PCDHGA6: variants seen among roughly 807,000 people sequenced by gnomAD.
The protein encoded by PCDHGA6 is protocadherin gamma-A6.
In PCDHGA6, 41 loss-of-function variants were observed where a neutral mutation model predicts 60.6. The observed-to-expected ratio is 0.68, with a 90% CI of 0.53 to 0.88. The LOEUF (loss-of-function observed/expected upper bound fraction) is 0.88. PCDHGA6 is among the 40% of genes least tolerant of loss of function. The pLI is 0.00. For missense variants in PCDHGA6, 1,312 were observed against 1,203.0 expected (o/e 1.09, Z -1.34); for synonymous variants, 594 against 524.4 (o/e 1.13, Z -1.81).
In PCDHGA6 at chr5:141,431,023, C is replaced by T. The variant is rs374655655; in HGVS notation, c.2424+54516C>T. 1 of 1,613,748 alleles carries T rather than the reference C, an allele frequency of 6.2e-7. No homozygotes were observed. On this transcript the variant is annotated intron_variant, in intron 1 of 3. Coordinates refer to ENST00000517434, the MANE Select transcript of PCDHGA6 (RefSeq NM_018919.3). This position sits in a 1 kb window ranked among gnomAD's most constrained non-coding sequence, Gnocchi z 4.8. Reference sequence around the variant, plus strand: ...GCAGCGGCAGCTTGGTCACGGCGGGCAGGATAGACCGGGAGGAGCTCTGTA... The same window carrying T: ...GCAGCGGCAGCTTGGTCACGGCGGGTAGGATAGACCGGGAGGAGCTCTGTA...
intron 1 of PCDHGA6, among the ~76,000 whole-genome samples, chr5:141,437,236 C>A (rs2154557405): frequency 6.6e-6 from 1 of 152,278 alleles, no homozygotes; most frequent in South Asian, 2.1e-4. Context: ...AAAATTATGT[C>A]AAGGACTTTC....
rs867175585 is a variant in PCDHGA6, at chr5:141,376,626, G to A, written c.2424+119G>A. 71 of 1,155,548 alleles carry A rather than the reference G, an allele frequency of 6.1e-5. 4 individuals carry two copies. In the Middle Eastern group the frequency reaches 4.6e-3, roughly 75 times the overall value. 71.6% of individuals were successfully genotyped at this position (1,155,548 alleles called of 1,614,324 possible). A position where few individuals can be genotyped will look rare whatever the true frequency, so the allele number is the denominator to read the frequency against. Reference sequence around the variant, plus strand: ...AAGCGAACCTCTTTTGGTACAGGAAGATTCGTGATTTTGTAAAGTGGAAGA... The same window carrying A: ...AAGCGAACCTCTTTTGGTACAGGAAAATTCGTGATTTTGTAAAGTGGAAGA... On this transcript the variant is annotated intron_variant, in intron 1 of 3. Transcript: ENST00000517434.
intron 1 of PCDHGA6, chr5:141,428,334 C>T: frequency 1.6e-6 from 1 of 618,848 alleles, no homozygotes; most frequent in Non-Finnish European, 2.9e-6. Flanking sequence ...TTTCTATGCT[C>T]TTCTTCCTCG....
At chr5:141,509,404 A>C (rs1248030362) in intron 3 of PCDHGA6, among the ~76,000 whole-genome samples, 3 of 152,112 alleles carry the variant, frequency 2.0e-5, no homozygotes, top group Non-Finnish European at 4.4e-5. Context: ...CAGGGCCTCC[A>C]GCAGCGAGCC....
In PCDHGA6 at chr5:141,461,484, T is replaced by C. The variant is rs1171584384; in HGVS notation, c.2425-33323T>C. On this transcript the variant is annotated intron_variant, in intron 1 of 3. Transcript: ENST00000517434. ...GTCCTTTGCCTACTTTTTAATGGGATTGTGTTTTATTTTTCTTGGTGATTT... is the reference window on the plus strand; with the variant it reads ...GTCCTTTGCCTACTTTTTAATGGGACTGTGTTTTATTTTTCTTGGTGATTT... 2.6e-5 allele frequency among the ~76,000 whole-genome samples: 4 copies of C among 152,152 alleles called. No homozygotes were observed. In the East Asian group the frequency reaches 7.7e-4, roughly 29 times the overall value.
intron 1 of PCDHGA6, chr5:141,442,419 T>TG (rs1214499832): frequency 1.3e-5 from 2 of 152,192 alleles, no homozygotes; most frequent in African/African-American, 4.8e-5. Context: ...AGTGAACTTC[T>TG]TTTTTGAATC....
intron 1 of PCDHGA6, among the ~76,000 whole-genome samples, chr5:141,451,403 G>A (rs2154563571): frequency 6.6e-6 from 1 of 152,288 alleles, no homozygotes; most frequent in South Asian, 2.1e-4. Context: ...GCAAAATTAA[G>A]TTCCTTGTGG....
At chr5:141,483,293 G>T (rs532959899) in intron 1 of PCDHGA6, among the ~76,000 whole-genome samples, 1 of 152,264 alleles carries the variant, frequency 6.6e-6, no homozygotes, top group Non-Finnish European at 1.5e-5. Flanking sequence ...TCAGTCATAA[G>T]TGAAGGGACT....
At chr5:141,456,204 C>A (rs867187371) in intron 1 of PCDHGA6, among the ~76,000 whole-genome samples, 17 of 152,222 alleles carry the variant, frequency 1.1e-4, no homozygotes, top group South Asian at 2.1e-4. Context: ...CTACCACATT[C>A]CTCCCTGTGG....
rs779292483 is a variant in PCDHGA6 at position 141,491,102 on chromosome 5, T to C, written c.2425-3705T>C. The C allele has an allele frequency of 6.2e-7, 1 of 1,614,152 alleles. No individual in the cohort carries two copies. Among genetic ancestry groups the C allele is most frequent in the Non-Finnish European group, 8.5e-7 (1 of 1,180,006 alleles). ...TCCACAGCCCCAGGACTGTTCCTCG[T>C]GTCTACACACACTGGTGAGGTGCGC... On this transcript the variant is annotated intron_variant, in intron 1 of 3. Transcript: ENST00000517434. This position sits in a 1 kb window ranked among gnomAD's most constrained non-coding sequence, Gnocchi z 6.9.
intron 1 of PCDHGA6, among the ~76,000 whole-genome samples, chr5:141,469,489 C>T (rs1013080566): frequency 4.6e-5 from 7 of 151,928 alleles, no homozygotes; most frequent in Middle Eastern, 3.4e-3. Context: ...GCAGGAGAAT[C>T]GCTTGAACCC....
intron 1 of PCDHGA6, chr5:141,403,791 A>T: frequency 6.2e-7 from 1 of 1,613,900 alleles, no homozygotes. Context: ...GTGGCATACA[A>T]ATTCTGGAAA....
intron 1 of PCDHGA6, chr5:141,392,432 T>C (rs2092535052): frequency 6.2e-6 from 1 of 160,182 alleles, no homozygotes; most frequent in African/African-American, 2.4e-5. Flanking sequence ...ATTCTTTGGC[T>C]GTTTCTTTTA....
intron 2 of PCDHGA6, among the ~76,000 whole-genome samples, chr5:141,500,176 A>G (rs922155744): frequency 1.4e-5 from 2 of 145,916 alleles, no homozygotes; most frequent in Admixed American, 1.4e-4. Flanking sequence ...CATGAGCTTC[A>G]TTTTTATTTT....
chr5:141,391,885 G>C (rs1250781964), intron 1 of PCDHGA6: 2 of 152,194 alleles, frequency 1.3e-5, no homozygotes, highest in Non-Finnish European at 2.9e-5. Flanking sequence ...TGGTGAAAGG[G>C]ATGGGATGGA....
Position 141,485,151 on chromosome 5 carries a change from T to C in PCDHGA6, c.2425-9656T>C, listed in dbSNP as rs1191585056. 1.0e-5 allele frequency: 16 copies of C among 1,584,876 alleles called. No homozygotes were observed. Among genetic ancestry groups the C allele is most frequent in the Non-Finnish European group, 1.3e-5 (15 of 1,156,528 alleles). On this transcript the variant is annotated intron_variant, in intron 1 of 3. Coordinates refer to ENST00000517434, the MANE Select transcript of PCDHGA6 (RefSeq NM_018919.3). This position sits in a 1 kb window ranked among gnomAD's most constrained non-coding sequence, Gnocchi z 5.7. ...GCTTCATCCGCGTCTCAGGAGCAAG[T>C]AGAGAATTAGCGGGCGGCAGCAATG...
At chr5:141,415,804 A>C in intron 1 of PCDHGA6, 1 of 1,366,960 alleles carries the variant, frequency 7.3e-7, no homozygotes, top group Non-Finnish European at 9.4e-7. Flanking sequence ...AGTCTCAATC[A>C]AGGCCTATAT....
intron 1 of PCDHGA6, chr5:141,418,829 C>A: frequency 1.9e-6 from 3 of 1,613,856 alleles, no homozygotes; most frequent in Non-Finnish European, 1.7e-6. Context: ...AGCAAAAGAC[C>A]GAGGATCTCT....
chr5:141,393,659 G>GA (rs1276688380), intron 1 of PCDHGA6: 7 of 1,613,880 alleles, frequency 4.3e-6, no homozygotes, highest in Middle Eastern at 1.6e-4. Context: ...ACAAATTCCG[G>GA]AAAATTAATG....
Sources: gnomAD v4.1 joint callset for allele counts (sites outside exome capture counted in the v4.1 genomes callset) on GRCh38, gnomAD v4.1.1 for gene constraint, Gnocchi (gnomAD v3.1) non-coding constraint, MANE v1.5 for transcripts, NCBI Gene and HGNC (gene_info 2026-07-23, HGNC 2026-07-21) for gene names.